Variants in NRG3 observed in about 807,000 individuals in gnomAD.
NRG3 encodes neuregulin 3, also known as pro-neuregulin-3, membrane-bound isoform.
NRG3 carries 31 observed loss-of-function variants against 66.9 expected under a neutral mutation model. The observed-to-expected ratio is 0.46, with a 90% CI of 0.35 to 0.63. The LOEUF is 0.63. NRG3 is among the 20% of genes least tolerant of loss of function. The pLI, the probability that NRG3 is intolerant of heterozygous loss-of-function variation, is 0.00. For missense variants in NRG3, 910 were observed against 878.9 expected (o/e 1.04, Z -0.45); for synonymous variants, 393 against 359.4 (o/e 1.09, Z -1.06).
At chr10:82,447,589 C>T (rs761474764) in intron 2 of NRG3, among the ~76,000 whole-genome samples, 4 of 152,212 alleles carry the variant, frequency 2.6e-5, no homozygotes, top group Admixed American at 2.0e-4. Flanking sequence ...TCCTTCCACC[C>T]CCAGATGCAC....
intron 4 of NRG3, among the ~76,000 whole-genome samples, chr10:82,892,683 A>ATAAC (rs1843270238): frequency 6.6e-6 from 1 of 151,318 alleles, no homozygotes; most frequent in African/African-American, 2.4e-5. Flanking sequence ...AAATAAATAA[A>ATAAC]TAAATAAATA....
intron 1 of NRG3, among the ~76,000 whole-genome samples, chr10:82,123,982 G>T (rs1358602898): frequency 6.6e-6 from 1 of 151,964 alleles, no homozygotes; most frequent in East Asian, 1.9e-4. Context: ...TCAATGAGAT[G>T]CATACTAATT....
Position 82,800,705 on chromosome 10 carries a change from G to A in NRG3, c.1027+62055G>A, listed in dbSNP as rs190055576. Among the ~76,000 whole-genome samples the A allele has an allele frequency of 2.0e-4, 30 of 152,292 alleles. No individual in the cohort carries two copies. In the East Asian group the frequency reaches 5.8e-3, roughly 29 times the overall value. On this transcript the variant is annotated intron_variant, in intron 3 of 8. Transcript: ENST00000372141. ...GAAGTTATAGGAGATTAGCAAACAA[G>A]CTGCAAAGTACCAAATAAGATATAT...
At chr10:82,056,984 A>C (rs188053712) in intron 1 of NRG3, among the ~76,000 whole-genome samples, 3 of 152,076 alleles carry the variant, frequency 2.0e-5, no homozygotes, top group Admixed American at 6.6e-5. Context: ...GATCATTGTT[A>C]TCTCTCATTA....
chr10:82,036,388 C>T (rs1156297368), intron 1 of NRG3, among the ~76,000 whole-genome samples: 1 of 152,072 alleles, frequency 6.6e-6, no homozygotes. Flanking sequence ...ATTTAATCTT[C>T]CTAACAACCC....
intron 4 of NRG3, among the ~76,000 whole-genome samples, chr10:82,930,384 G>C (rs2475797): frequency 6.6e-6 from 1 of 152,066 alleles, no homozygotes; most frequent in East Asian, 1.9e-4. Context: ...AGGACTATCT[G>C]TCTTCAGAGA....
intron 1 of NRG3, among the ~76,000 whole-genome samples, chr10:81,897,797 C>T (rs989220060): frequency 2.6e-5 from 4 of 152,108 alleles, no homozygotes; most frequent in African/African-American, 9.7e-5. Flanking sequence ...AGACCCACAT[C>T]AGCACTGAAA....
chr10:82,501,542 C>A (rs897229802), intron 2 of NRG3, among the ~76,000 whole-genome samples: 1 of 152,022 alleles, frequency 6.6e-6, no homozygotes, highest in Non-Finnish European at 1.5e-5. Context: ...TTCCATGGTC[C>A]CTTCGTTCCA....
At chr10:82,352,216 C>G (rs978874529) in intron 1 of NRG3, among the ~76,000 whole-genome samples, 1 of 152,184 alleles carries the variant, frequency 6.6e-6, no homozygotes, top group Admixed American at 6.5e-5. Context: ...CACACACATA[C>G]AGACACATAC....
chr10:82,522,651 A>C (rs1022830300), intron 2 of NRG3, among the ~76,000 whole-genome samples: 1 of 152,188 alleles, frequency 6.6e-6, no homozygotes, highest in Non-Finnish European at 1.5e-5. Flanking sequence ...ATTTGTAAAA[A>C]ATGCAATATC....
At chr10:82,910,310 G>A (rs1430008763) in intron 4 of NRG3, among the ~76,000 whole-genome samples, 3 of 152,172 alleles carry the variant, frequency 2.0e-5, no homozygotes, top group Admixed American at 1.3e-4. Flanking sequence ...GTAACATAAC[G>A]ATTTTGGTGT....
intron 2 of NRG3, among the ~76,000 whole-genome samples, chr10:82,680,970 CA>C (rs2054071391): frequency 6.6e-6 from 1 of 152,220 alleles, no homozygotes. Context: ...TGCCACAGGG[CA>C]GGTTTACTTC....
intron 2 of NRG3, among the ~76,000 whole-genome samples, chr10:82,487,520 C>T (rs1312319968): frequency 6.6e-6 from 1 of 152,102 alleles, no homozygotes; most frequent in African/African-American, 2.4e-5. Flanking sequence ...TGAGTGCACT[C>T]CAGTCTCCAG....
rs1554881622 is a variant in NRG3 at position 82,004,028 on chromosome 10, C to CACACAT, written c.823+127870_823+127871insTACACA. On this transcript the variant is annotated intron_variant, in intron 1 of 8. Transcript: ENST00000372141. ...ACACACACACACACACACACACACA[C>CACACAT]ACACACAGATACCTTAGAGCAGCAT... 1.9e-3 allele frequency among the ~76,000 whole-genome samples: 280 copies of CACACAT among 145,740 alleles called. 2 individuals are homozygous for CACACAT. Among genetic ancestry groups the CACACAT allele is most frequent in the African/African-American group, 6.0e-3 (238 of 39,452 alleles).
intron 1 of NRG3, among the ~76,000 whole-genome samples, chr10:82,355,646 C>A (rs1476769034): frequency 6.6e-6 from 1 of 152,114 alleles, no homozygotes; most frequent in Non-Finnish European, 1.5e-5. Flanking sequence ...AGCGTAGCAA[C>A]CTCGTGAGTT....
At chr10:82,734,550 A>G (rs549187428) in intron 2 of NRG3, among the ~76,000 whole-genome samples, 2 of 152,070 alleles carry the variant, frequency 1.3e-5, no homozygotes, top group Non-Finnish European at 2.9e-5. Context: ...CCCCCTCCCC[A>G]TTCCCTCCCT....
At position 82,358,716 on chromosome 10, in the gene NRG3, T is replaced by C. The variant is rs746740076; in HGVS notation, c.824-23T>C. The C allele has an allele frequency of 2.9e-5, 47 of 1,613,714 alleles. No homozygotes were observed. In the African/African-American group the frequency reaches 5.3e-4, roughly 18 times the overall value. ...GTCAGAATGTACTGCTGACAGCGTT[T>C]CCCCCTGTGCTTTCCCTGACAGATA... On this transcript the variant is annotated intron_variant, in intron 1 of 8. Transcript: ENST00000372141.
At chr10:81,881,280 C>T (rs1674091426) in intron 1 of NRG3, among the ~76,000 whole-genome samples, 1 of 150,732 alleles carries the variant, frequency 6.6e-6, no homozygotes, top group Admixed American at 6.6e-5. Context: ...TGCTTAACGT[C>T]TTGCTTCAAG....
At chr10:82,651,334 C>G (rs2051398438) in intron 2 of NRG3, among the ~76,000 whole-genome samples, 1 of 152,094 alleles carries the variant, frequency 6.6e-6, no homozygotes, top group African/African-American at 2.4e-5. Flanking sequence ...CTCCATATTT[C>G]CTAATAAGGG....
Sources: gnomAD v4.1 joint callset for allele counts (sites outside exome capture counted in the v4.1 genomes callset) on GRCh38, gnomAD v4.1.1 for gene constraint, MANE v1.5 for transcripts, NCBI Gene and HGNC (gene_info 2026-07-23, HGNC 2026-07-21) for gene names.